MTERF1: variants seen among roughly 807,000 people sequenced by gnomAD.
MTERF1 encodes transcription termination factor 1, mitochondrial.
MTERF1 carries 29 observed loss-of-function variants against 31.6 expected under a neutral mutation model. The observed-to-expected ratio is 0.92, with a 90% CI of 0.68 to 1.25. The LOEUF is 1.25. MTERF1 is among the 50% of genes most tolerant of loss of function. The pLI, the probability that MTERF1 is intolerant of heterozygous loss-of-function variation, is 0.00. For missense variants in MTERF1, 500 were observed against 469.1 expected, an observed-to-expected ratio of 1.07 and a Z score of -0.61; for synonymous variants, 152 against 164.1, an observed-to-expected ratio of 0.93 and a Z score of 0.57.
In MTERF1 at chr7:91,874,572, G is replaced by C. The variant is rs1198871468; in HGVS notation, c.222C>G (p.Asp74Glu). 3 of 1,613,908 alleles carry C rather than the reference G, an allele frequency of 1.9e-6. No homozygotes were observed. The highest frequency in any genetic ancestry group is 2.5e-6 in the Non-Finnish European group (3 of 1,180,008). ...CCATAGTAAGTAAGTTTTTCAGTAG[G>C]TCCTCATTTTTCAAAGGCTCACTGT... ...NTDSEPLKNE[D>E]LLKNLLTMGV... Residue 74 changes from aspartate to glutamate, a missense_variant, in exon 3 of 3, where the codon GAC becomes GAG. Transcript: ENST00000351870.
rs1394873528 is a variant in MTERF1, at chr7:91,872,192, C to T, written c.*1402G>A. ...ATAAGCAATGGAAGATAAAGTTGCACAACTCTATATATAAATTGAACTGTG... is the reference window on the plus strand; with the variant it reads ...ATAAGCAATGGAAGATAAAGTTGCATAACTCTATATATAAATTGAACTGTG... On this transcript the variant is annotated 3_prime_UTR_variant, in exon 3 of 3. Transcript: ENST00000351870. The T allele has an allele frequency of 6.6e-6, 1 of 152,118 alleles. No homozygotes were observed. Among genetic ancestry groups the T allele is most frequent in the Non-Finnish European group, 1.5e-5 (1 of 68,012 alleles). 9.4% of individuals were successfully genotyped at this position (152,118 alleles called of 1,614,324 possible).
Position 91,873,539 on chromosome 7 carries a change from T to C in MTERF1, c.*55A>G. 1 of 1,431,964 alleles carries C rather than the reference T, an allele frequency of 7.0e-7. No homozygotes were observed. The highest frequency in any genetic ancestry group is 9.4e-7 in the Non-Finnish European group (1 of 1,065,598). 88.7% of individuals were successfully genotyped at this position (1,431,964 alleles called of 1,614,324 possible). A position where few individuals can be genotyped will look rare whatever the true frequency, so the allele number is the denominator to read the frequency against. On this transcript the variant is annotated 3_prime_UTR_variant, in exon 3 of 3. Coordinates refer to ENST00000351870, the MANE Select transcript of MTERF1 (RefSeq NM_006980.5). ...AATTAATCACTTCTGCAAAATTCTT[T>C]TGCAATGTGGCATAACATATTCACA...
intron 2 of MTERF1, among the ~76,000 whole-genome samples, chr7:91,877,916 A>C (rs1789386183): frequency 6.6e-6 from 1 of 152,018 alleles, no homozygotes; most frequent in Non-Finnish European, 1.5e-5. Flanking sequence ...CTATTGTACC[A>C]CCTCAATACC....
chr7:91,874,071 G>A lies in MTERF1; in HGVS notation c.723C>T (p.Asn241=), dbSNP rs1789263393. 1.2e-6 allele frequency: 2 copies of A among 1,613,942 alleles called. No homozygotes were observed. The highest frequency in any genetic ancestry group is 1.7e-5 in the Admixed American group (1 of 59,964). Residue 241 remains asparagine, a synonymous_variant, in exon 3 of 3, where the codon AAC becomes AAT. Transcript: ENST00000351870. ...ADFVRKIIFK[N]PFILIQSTKR... ...TGGTGCTCTGAATTAAGATAAAAGG[G>A]TTTTTAAAAATTATCTTTCTGACAA...
At position 91,876,353 on chromosome 7, in the gene MTERF1, G is replaced by A. The variant is rs150474206; in HGVS notation, c.30-1589C>T. 2.2e-3 allele frequency among the ~76,000 whole-genome samples: 328 copies of A among 152,276 alleles called. 1 individual carries two copies. Among genetic ancestry groups the A allele is most frequent in the Middle Eastern group, 0.01 (3 of 292 alleles). ...TTTTGCCTTTTTAGAATATATAGCT[G>A]TAACAAGTTCGTGCTTGATTTCTAA... On this transcript the variant is annotated intron_variant, in intron 2 of 2. Coordinates refer to ENST00000351870, the MANE Select transcript of MTERF1 (RefSeq NM_006980.5).
chr7:91,874,722 T>C lies in MTERF1; in HGVS notation c.72A>G (p.Gly24=). The part of the protein sequence containing the change: ...GLNYLTIMAP[G]NLWHMRNNFL... Reference sequence around the variant, plus strand: ...AGTTATTTCTCATATGCCAGAGGTTTCCTGGTGCCATAATGGTTAGGTAGT... The same window carrying C: ...AGTTATTTCTCATATGCCAGAGGTTCCCTGGTGCCATAATGGTTAGGTAGT... Residue 24 remains glycine (G), a synonymous_variant, in exon 3 of 3, where the codon GGA becomes GGG. Coordinates refer to ENST00000351870, the MANE Select transcript of MTERF1 (RefSeq NM_006980.5). The C allele has an allele frequency of 6.2e-7, 1 of 1,613,584 alleles. No homozygotes were observed. The highest frequency in any genetic ancestry group is 8.5e-7 in the Non-Finnish European group (1 of 1,179,830).
chr7:91,878,684 CATTAGCCAACTGT>C (rs903253101), intron 2 of MTERF1, among the ~76,000 whole-genome samples: 10 of 151,982 alleles, frequency 6.6e-5, no homozygotes, highest in African/African-American at 2.4e-4. Flanking sequence ...AAAATCAAAA[CATTAGCCAACTGT>C]AACAGCACAC....
chr7:91,874,798 T>C (rs1483202704), intron 2 of MTERF1, 34 bp from the exon 3 acceptor site: 1 of 1,451,542 alleles, frequency 6.9e-7, no homozygotes, highest in Non-Finnish European at 9.4e-7. Flanking sequence ...ATTACACAAA[T>C]GCATGTGTTA....
chr7:91,878,431 G>A (rs1231032256), intron 2 of MTERF1, among the ~76,000 whole-genome samples: 1 of 152,184 alleles, frequency 6.6e-6, no homozygotes, highest in African/African-American at 2.4e-5. Context: ...TGAGGAAACA[G>A]AGGAAATTCT....
chr7:91,880,553 T>C (rs1011372), intron 1 of MTERF1, 104 bp downstream of exon 1: 78,188 of 180,830 alleles, frequency 0.43, 18,274 homozygotes, highest in Admixed American at 0.52. Context: ...CTCTTCCTCC[T>C]CCAAAGACAA....
intron 2 of MTERF1, among the ~76,000 whole-genome samples, chr7:91,875,237 T>C (rs960958948): frequency 2.6e-5 from 4 of 151,952 alleles, no homozygotes; most frequent in Non-Finnish European, 4.4e-5. Context: ...ATCTCTGCTT[T>C]GTCCTCCTGA....
intron 2 of MTERF1, 70 bp downstream of exon 2, chr7:91,879,985 T>TA (rs1442425958): frequency 6.4e-7 from 1 of 1,574,662 alleles, no homozygotes; most frequent in African/African-American, 1.4e-5. Context: ...GGCCCTAAAA[T>TA]ACCACATTCC....
intron 2 of MTERF1, among the ~76,000 whole-genome samples, chr7:91,875,674 C>G (rs1037334801): frequency 4.6e-5 from 7 of 152,188 alleles, no homozygotes; most frequent in Non-Finnish European, 8.8e-5. Flanking sequence ...GGTTTTCAAA[C>G]TCTAAATCTA....
rs1433045352 is a variant in MTERF1, at chr7:91,874,603, TTA to T, written c.189_190del (p.His63GlnfsTer5). ...ATTTTTCAAAGGCTCACTGTCTGTA[TTA>T]TGACACTTCACACCAAAAAGCCTAA... is the stretch of plus-strand genomic sequence containing the variant. On this transcript the variant is annotated frameshift_variant, in exon 3 of 3. Coordinates refer to ENST00000351870, the MANE Select transcript of MTERF1 (RefSeq NM_006980.5). LOFTEE classifies it high-confidence loss of function. 1 of 1,614,128 alleles carries T rather than the reference TTA, an allele frequency of 6.2e-7. No homozygotes were observed. Among genetic ancestry groups the T allele is most frequent in the Admixed American group, 1.7e-5 (1 of 60,020 alleles).
chr7:91,878,453 A>C (rs936771013), intron 2 of MTERF1, among the ~76,000 whole-genome samples: 5 of 152,236 alleles, frequency 3.3e-5, no homozygotes, highest in African/African-American at 1.2e-4. Flanking sequence ...AAATATTGTT[A>C]ATGGACCAGA....
At chr7:91,875,378 G>A (rs1789322534) in intron 2 of MTERF1, among the ~76,000 whole-genome samples, 1 of 152,038 alleles carries the variant, frequency 6.6e-6, no homozygotes. Flanking sequence ...AACCACCTGA[G>A]TAGTTGGGAC....
rs1246072093 is a variant in MTERF1, at chr7:91,874,711, T to C, written c.83A>G (p.His28Arg). 3.7e-6 allele frequency: 6 copies of C among 1,613,766 alleles called. No individual in the cohort carries two copies. The African/African-American group carries it at 5.3e-5, about 14-fold the overall frequency. ...ACCAAAGAGAAAGTTATTTCTCATATGCCAGAGGTTTCCTGGTGCCATAAT... is the reference window on the plus strand; with the variant it reads ...ACCAAAGAGAAAGTTATTTCTCATACGCCAGAGGTTTCCTGGTGCCATAAT... ...LTIMAPGNLWHMRNNFLFGSR... is the reference protein window; with the variant it reads ...LTIMAPGNLWRMRNNFLFGSR... Residue 28 changes from histidine to arginine, a missense_variant, in exon 3 of 3, where the codon CAT (histidine) becomes CGT (arginine). His to Arg is a conservative substitution (Grantham distance 29). Coordinates refer to ENST00000351870, the MANE Select transcript of MTERF1 (RefSeq NM_006980.5).
rs748850626 is a variant in MTERF1, at chr7:91,880,122, G to GACAC, written c.-30-13_-30-10dup. On this transcript the variant is annotated splice_polypyrimidine_tract_variant and intron_variant, in intron 1 of 2. Coordinates refer to ENST00000351870, the MANE Select transcript of MTERF1 (RefSeq NM_006980.5). ...CTGGAGAACAGCTATCTCTGGAAAT[G>GACAC]ACACACACACACAAAAAAAAGGCAA... 6.2e-6 allele frequency: 10 copies of GACAC among 1,608,412 alleles called. No individual in the cohort carries two copies. Among genetic ancestry groups the GACAC allele is most frequent in the Non-Finnish European group, 8.5e-6 (10 of 1,177,520 alleles).
At chr7:91,878,762 G>C (rs1187302583) in intron 2 of MTERF1, among the ~76,000 whole-genome samples, 1 of 152,118 alleles carries the variant, frequency 6.6e-6, no homozygotes, top group African/African-American at 2.4e-5. Context: ...TTGAGCCCAG[G>C]AGATCCAGAC....
Sources: gnomAD v4.1 joint callset for allele counts (sites outside exome capture counted in the v4.1 genomes callset) on GRCh38, gnomAD v4.1.1 for gene constraint, MANE v1.5 for transcripts, NCBI Gene and HGNC (gene_info 2026-07-23, HGNC 2026-07-21) for gene names.